The following CCNY variants were observed in gnomAD, a reference collection of about 807,000 sequenced individuals.
CCNY encodes cyclin-Y.
A neutral mutation model predicts 42.8 loss-of-function variants in CCNY; 19 were observed. The observed-to-expected ratio is 0.44, with a 90% CI of 0.31 to 0.65. The LOEUF is 0.65. Ranked by LOEUF, CCNY falls within the 30% of genes least tolerant of loss-of-function variation. The probability of loss-of-function intolerance (pLI) is 0.07; values close to 1 mark genes in which losing one functional copy is unlikely to be tolerated. For missense variants in CCNY, 370 were observed against 437.3 expected (o/e 0.85, Z 1.37); for synonymous variants, 165 against 162.7 (o/e 1.01, Z -0.11).
Position 35,571,202 on chromosome 10 carries a change from C to T in CCNY, c.*2032C>T, listed in dbSNP as rs1007128551. On this transcript the variant is annotated 3_prime_UTR_variant, in exon 10 of 10. Coordinates refer to ENST00000374704, the MANE Select transcript of CCNY (RefSeq NM_145012.6). ...CATTTCAGGAAAGAGGTTCTGCTGC[C>T]GTAAAGGCAGAAATTTTATTTTTAT... is the stretch of plus-strand genomic sequence containing the variant. The T allele has an allele frequency of 1.3e-5, 2 of 152,080 alleles. No individual in the cohort carries two copies. The highest frequency in any genetic ancestry group is 3.8e-4 in the East Asian group (2 of 5,202). 9.4% of individuals were successfully genotyped at this position (152,080 alleles called of 1,614,324 possible).
chr10:35,286,290 T>C (rs950231658), intron 3 of CCNY, among the ~76,000 whole-genome samples: 2 of 152,128 alleles, frequency 1.3e-5, no homozygotes, highest in African/African-American at 4.8e-5. Flanking sequence ...TTTATTTATT[T>C]AGTGGTAACT....
intron 3 of CCNY, among the ~76,000 whole-genome samples, chr10:35,307,713 T>A (rs1248190280): frequency 6.6e-6 from 1 of 150,908 alleles, no homozygotes; most frequent in Non-Finnish European, 1.5e-5. Context: ...TATGTATATA[T>A]ATACACACAC....
intron 2 of CCNY, among the ~76,000 whole-genome samples, chr10:35,492,591 C>CT (rs1192252301): frequency 6.6e-6 from 1 of 152,160 alleles, no homozygotes; most frequent in Non-Finnish European, 1.5e-5. Flanking sequence ...AAATAGCTTT[C>CT]TGTTTATCTG....
intron 1 of CCNY, among the ~76,000 whole-genome samples, chr10:35,397,633 T>G (rs1263642492): frequency 6.6e-6 from 1 of 152,138 alleles, no homozygotes; most frequent in Non-Finnish European, 1.5e-5. Flanking sequence ...GGGTACCAAA[T>G]GAACCCTGTC....
chr10:35,483,092 A>C (rs913864712), intron 1 of CCNY, among the ~76,000 whole-genome samples: 2 of 152,174 alleles, frequency 1.3e-5, no homozygotes, highest in Non-Finnish European at 1.5e-5. Flanking sequence ...ACTCTCTTTA[A>C]TCACATGCCA....
chr10:35,528,446 G>A (rs1022942148), intron 5 of CCNY, among the ~76,000 whole-genome samples: 5 of 152,210 alleles, frequency 3.3e-5, no homozygotes, highest in African/African-American at 4.8e-5. Context: ...GCTTACGCCT[G>A]TAATCCTAGC....
Position 35,507,972 on chromosome 10 carries a change from C to T in CCNY, c.264+6437C>T, listed in dbSNP as rs145454803. Among the ~76,000 whole-genome samples the T allele has an allele frequency of 1.9e-3, 291 of 152,144 alleles. 2 individuals carry two copies. The highest frequency in any genetic ancestry group is 6.6e-3 in the African/African-American group (274 of 41,504). On this transcript the variant is annotated intron_variant, in intron 3 of 9. Transcript: ENST00000374704. ...TGTTGCTGATGTTGATTTTGATTAC[C>T]GGGCAAGGTGCTGCCTGGATCCTCC... is the stretch of plus-strand genomic sequence containing the variant.
intron 8 of CCNY, among the ~76,000 whole-genome samples, chr10:35,556,228 G>T (rs1367591907): frequency 6.6e-6 from 1 of 152,156 alleles, no homozygotes; most frequent in Non-Finnish European, 1.5e-5. Flanking sequence ...TTTCTAAAAG[G>T]TCTGACCATA....
At chr10:35,550,883 G>A (rs1285376344) in intron 7 of CCNY, among the ~76,000 whole-genome samples, 1 of 151,808 alleles carries the variant, frequency 6.6e-6, no homozygotes, top group Non-Finnish European at 1.5e-5. Flanking sequence ...CCTCCCCCAG[G>A]TCCCTTGCCC....
At chr10:35,565,652 T>G (rs1841554661) in intron 8 of CCNY, among the ~76,000 whole-genome samples, 1 of 152,234 alleles carries the variant, frequency 6.6e-6, no homozygotes, top group Admixed American at 6.5e-5. Flanking sequence ...TCTGGGCCCC[T>G]GCGGAAGGGC....
chr10:35,485,880 C>G (rs566321205), intron 2 of CCNY, among the ~76,000 whole-genome samples: 81 of 152,122 alleles, frequency 5.3e-4, no homozygotes, highest in Non-Finnish European at 9.4e-4. Context: ...CCTCAGACAT[C>G]TTCATAAACT....
At position 35,336,523 on chromosome 10, in the gene CCNY, C is replaced by A. The variant is rs920861449; in HGVS notation, c.-531C>A. 6.7e-5 allele frequency: 10 copies of A among 149,390 alleles called. No individual in the cohort carries two copies. The highest frequency in any genetic ancestry group is 2.4e-4 in the African/African-American group (10 of 41,086). 9.3% of individuals were successfully genotyped at this position (149,390 alleles called of 1,614,324 possible). On this transcript the variant is annotated 5_prime_UTR_variant, in exon 1 of 10. Transcript: ENST00000374704. ...GGGCCGCCAGCATCCTCCCTGGCCG[C>A]GCCGCACCGCGCCGCGAGGAGTCCG...
At chr10:35,379,722 C>T (rs1229784541) in intron 1 of CCNY, among the ~76,000 whole-genome samples, 2 of 152,142 alleles carry the variant, frequency 1.3e-5, no homozygotes, top group African/African-American at 4.8e-5. Flanking sequence ...GCAGGAAGGC[C>T]CTGAATGCAG....
At chr10:35,566,259 G>A in intron 9 of CCNY, 74 bp downstream of exon 9, 1 of 1,427,188 alleles carries the variant, frequency 7.0e-7, no homozygotes, top group Non-Finnish European at 9.6e-7. Flanking sequence ...GATGCATGTG[G>A]TCACATTGAT....
At chr10:35,537,130 C>T (rs1435758970) in intron 7 of CCNY, among the ~76,000 whole-genome samples, 1 of 152,216 alleles carries the variant, frequency 6.6e-6, no homozygotes, top group Non-Finnish European at 1.5e-5. Flanking sequence ...GGCCAAGGCA[C>T]AGCTCGGGCT....
chr10:35,469,298 C>T (rs1336655413), intron 1 of CCNY, among the ~76,000 whole-genome samples: 1 of 152,240 alleles, frequency 6.6e-6, no homozygotes, highest in Non-Finnish European at 1.5e-5. Context: ...GTGCATGTAG[C>T]ATGAGAGCTT....
Position 35,304,304 on chromosome 10 carries a change from T to A in CCNY, c.-9+53678T>A, listed in dbSNP as rs375732059. Among the ~76,000 whole-genome samples, 233 of 52,052 alleles carry A rather than the reference T, an allele frequency of 4.5e-3. 63 individuals carry two copies. Among genetic ancestry groups the A allele is most frequent in the Middle Eastern group, 0.018 (2 of 112 alleles). 34.1% of individuals were successfully genotyped at this position (52,052 alleles called of 152,430 possible). A position where few individuals can be genotyped will look rare whatever the true frequency, so the allele number is the denominator to read the frequency against. ...CTTTTTTCTCCTTTTATTTTTTTTT[T>A]TTTTTTATTTTTTATTTTTTTTTGA... is the stretch of plus-strand genomic sequence containing the variant. On this transcript the variant is annotated intron_variant, in intron 3 of 11. Transcript: ENST00000374706.
Position 35,569,053 on chromosome 10 carries a change from G to A in CCNY, c.910-1G>A. The A allele has an allele frequency of 6.2e-7, 1 of 1,602,640 alleles. No individual in the cohort carries two copies. The highest frequency in any genetic ancestry group is 8.5e-7 in the Non-Finnish European group (1 of 1,170,184). On this transcript the variant is annotated splice_acceptor_variant, in intron 9 of 9. Transcript: ENST00000374704. LOFTEE classifies it high-confidence loss of function. Reference sequence around the variant, plus strand: ...CCCACACTGTCTTTCTTGCCCCTCAGGCCATCTCTCGCCTCTGCGAGGACA... The same window carrying A: ...CCCACACTGTCTTTCTTGCCCCTCAAGCCATCTCTCGCCTCTGCGAGGACA...
intron 8 of CCNY, among the ~76,000 whole-genome samples, chr10:35,561,590 T>C (rs1265589672): frequency 6.6e-6 from 1 of 152,114 alleles, no homozygotes; most frequent in Non-Finnish European, 1.5e-5. Flanking sequence ...CTGGAAACCT[T>C]TTCAAATGGG....
Sources: allele counts gnomAD v4.1 joint callset (sites outside exome capture counted in the v4.1 genomes callset), GRCh38; gene constraint gnomAD v4.1.1; transcripts MANE v1.5; gene names NCBI Gene and HGNC (gene_info 2026-07-23, HGNC 2026-07-21).